Variants in CCSER1 observed in about 807,000 individuals in gnomAD.
CCSER1 encodes coiled-coil serine rich protein 1.
A neutral mutation model predicts 82.0 loss-of-function variants in CCSER1; 41 were observed. The observed-to-expected ratio is 0.50, with a 90% CI of 0.39 to 0.65. The LOEUF is 0.65. Ranked by LOEUF, CCSER1 falls within the 30% of genes least tolerant of loss-of-function variation. The pLI, the probability that CCSER1 is intolerant of heterozygous loss-of-function variation, is 0.00. For synonymous variants in CCSER1, 414 were observed against 383.9 expected (o/e 1.08, Z -0.92); for missense variants, 1,119 against 1,064.2 (o/e 1.05, Z -0.72).
At chr4:91,105,602 G>A (rs562535971) in intron 10 of CCSER1, among the ~76,000 whole-genome samples, 1 of 152,232 alleles carries the variant, frequency 6.6e-6, no homozygotes, top group South Asian at 2.1e-4. Flanking sequence ...TACTCAGGAG[G>A]CAGAGGCAGG....
At chr4:91,141,555 T>C (rs566505348) in intron 10 of CCSER1, among the ~76,000 whole-genome samples, 4 of 152,352 alleles carry the variant, frequency 2.6e-5, no homozygotes, top group Non-Finnish European at 5.9e-5. Flanking sequence ...TGATTCCATG[T>C]CTTTGCTATT....
intron 9 of CCSER1, among the ~76,000 whole-genome samples, chr4:90,983,812 C>T (rs1736343543): frequency 1.3e-5 from 2 of 151,700 alleles, no homozygotes; most frequent in Admixed American, 1.3e-4. Flanking sequence ...TCTTTCTGTG[C>T]ACTATTCTTT....
chr4:90,945,707 T>C (rs905574717), intron 9 of CCSER1, among the ~76,000 whole-genome samples: 5 of 152,190 alleles, frequency 3.3e-5, no homozygotes, highest in Admixed American at 2.0e-4. Flanking sequence ...CTTGTTTGTA[T>C]GAAAAGAAAA....
At chr4:90,373,701 A>G (rs1471007657) in intron 3 of CCSER1, among the ~76,000 whole-genome samples, 2 of 152,152 alleles carry the variant, frequency 1.3e-5, no homozygotes, top group Non-Finnish European at 2.9e-5. Flanking sequence ...ACAATTCTTC[A>G]TGGGTCTCCA....
At chr4:90,379,226 T>C (rs1335202476) in intron 3 of CCSER1, among the ~76,000 whole-genome samples, 1 of 152,186 alleles carries the variant, frequency 6.6e-6, no homozygotes. Context: ...AGCCAAGCTT[T>C]CCCTATTTTG....
At chr4:91,539,100 T>C (rs1265953472) in intron 10 of CCSER1, among the ~76,000 whole-genome samples, 1 of 152,070 alleles carries the variant, frequency 6.6e-6, no homozygotes, top group African/African-American at 2.4e-5. Flanking sequence ...CCAATTGTTT[T>C]AGTTAACTTT....
chr4:91,574,363 A>G (rs1763337748), intron 10 of CCSER1, among the ~76,000 whole-genome samples: 1 of 152,144 alleles, frequency 6.6e-6, no homozygotes, highest in Admixed American at 6.6e-5. Context: ...CTTAAAACAG[A>G]ACTACCATTT....
intron 6 of CCSER1, among the ~76,000 whole-genome samples, chr4:90,636,702 G>C (rs1056258841): frequency 6.6e-6 from 1 of 152,070 alleles, no homozygotes; most frequent in East Asian, 1.9e-4. Flanking sequence ...GGTAGTACAA[G>C]GGAACTTCTA....
At chr4:90,911,200 G>C (rs1726288770) in intron 8 of CCSER1, 3 of 425,234 alleles carry the variant, frequency 7.1e-6, no homozygotes, top group African/African-American at 4.2e-5. Flanking sequence ...TTTCAAGTTA[G>C]CAATTTTCTA....
At chr4:91,030,997 T>C (rs963037817) in intron 9 of CCSER1, among the ~76,000 whole-genome samples, 2 of 152,182 alleles carry the variant, frequency 1.3e-5, no homozygotes, top group Admixed American at 1.3e-4. Flanking sequence ...TTCAGACTGT[T>C]AGCCAGACAT....
intron 9 of CCSER1, among the ~76,000 whole-genome samples, chr4:91,013,547 TA>T (rs1289347106): frequency 6.4e-5 from 8 of 125,420 alleles, no homozygotes; most frequent in African/African-American, 5.6e-5. Flanking sequence ...TATATATATA[TA>T]TTTTTTTGCT....
In CCSER1 at chr4:91,557,993, A is replaced by G. The variant is rs1762481644; in HGVS notation, c.2218-40579A>G. Among the ~76,000 whole-genome samples, 3 of 151,184 alleles carry G rather than the reference A, an allele frequency of 2.0e-5. No individual in the cohort carries two copies. The South Asian group carries it at 6.2e-4, about 31-fold the overall frequency. On this transcript the variant is annotated intron_variant, in intron 10 of 10. Coordinates refer to ENST00000509176, the MANE Select transcript of CCSER1 (RefSeq NM_001145065.2). ...AAAAGATATTAATGGGGTAAATTAA[A>G]ATACAATTAATAGTACTTTAAATAT...
At chr4:91,494,225 AT>A (rs1380801851) in intron 10 of CCSER1, among the ~76,000 whole-genome samples, 1 of 151,860 alleles carries the variant, frequency 6.6e-6, no homozygotes, top group Non-Finnish European at 1.5e-5. Context: ...AGTGTCAGGT[AT>A]TTTGTTACAG....
chr4:90,453,609 G>A (rs886887110), intron 4 of CCSER1, among the ~76,000 whole-genome samples: 2 of 152,104 alleles, frequency 1.3e-5, no homozygotes, highest in Non-Finnish European at 2.9e-5. Flanking sequence ...TCTCTACTAT[G>A]GGGAGACAAA....
intron 3 of CCSER1, among the ~76,000 whole-genome samples, chr4:90,333,062 A>G (rs778728719): frequency 3.9e-5 from 6 of 152,186 alleles, no homozygotes; most frequent in Non-Finnish European, 1.5e-5. Context: ...GTTTTTCACT[A>G]TTAGATTCAG....
At chr4:90,348,291 A>T (rs918469925) in intron 3 of CCSER1, among the ~76,000 whole-genome samples, 1 of 152,204 alleles carries the variant, frequency 6.6e-6, no homozygotes, top group Admixed American at 6.5e-5. Flanking sequence ...AAAGGTATCA[A>T]TGTTATTCTA....
intron 9 of CCSER1, among the ~76,000 whole-genome samples, chr4:91,011,451 C>G (rs1738999753): frequency 7.5e-6 from 1 of 133,780 alleles, no homozygotes; most frequent in Non-Finnish European, 1.7e-5. Context: ...AGCCAAGGTC[C>G]TAGACTCAGG....
chr4:91,488,305 A>G (rs1758332550), intron 10 of CCSER1, among the ~76,000 whole-genome samples: 1 of 152,186 alleles, frequency 6.6e-6, no homozygotes, highest in South Asian at 2.1e-4. Context: ...ATCAATTTCA[A>G]TTATTCATGG....
At chr4:91,422,826 G>A (rs1246949143) in intron 10 of CCSER1, among the ~76,000 whole-genome samples, 1 of 152,172 alleles carries the variant, frequency 6.6e-6, no homozygotes, top group Non-Finnish European at 1.5e-5. Context: ...AGCAGGTATA[G>A]CTCAAGTTCT....
Sources: allele counts gnomAD v4.1 joint callset (sites outside exome capture counted in the v4.1 genomes callset), GRCh38; gene constraint gnomAD v4.1.1; transcripts MANE v1.5; gene names NCBI Gene and HGNC (gene_info 2026-07-23, HGNC 2026-07-21).